The following RORA variants were observed in gnomAD, a reference collection of about 807,000 sequenced individuals.
RORA encodes the protein RAR related orphan receptor A.
A neutral mutation model predicts 69.5 loss-of-function variants in RORA; 7 were observed. That is an observed-to-expected ratio of 0.10 (90% CI 0.06 to 0.19). The LOEUF is 0.19. Among genes scored for constraint, RORA ranks in the 10% least tolerant of loss-of-function variants. The pLI is 1.00. For synonymous variants in RORA, 261 were observed against 240.8 expected, an observed-to-expected ratio of 1.08 and a Z score of -0.78; for missense variants, 457 against 663.0, an observed-to-expected ratio of 0.69 and a Z score of 3.41.
chr15:60,547,866 C>T (rs2067121878), intron 2 of RORA: 1 of 152,122 alleles, frequency 6.6e-6, no homozygotes, highest in Non-Finnish European at 1.5e-5. Flanking sequence ...CAGTTGACTG[C>T]TTTGAAGGGG....
intron 1 of RORA, among the ~76,000 whole-genome samples, chr15:60,972,995 A>AG (rs771819616): frequency 1.0e-5 from 1 of 97,884 alleles, no homozygotes; most frequent in East Asian, 2.5e-4. Context: ...AGCATTTGGG[A>AG]GAAAAAAAAA....
chr15:60,869,784 G>A (rs149774543), intron 1 of RORA, among the ~76,000 whole-genome samples: 3 of 152,188 alleles, frequency 2.0e-5, no homozygotes, highest in Middle Eastern at 3.2e-3. Context: ...CATAAGCGAT[G>A]CTAGCCCTAA....
At chr15:61,096,668 C>T (rs889850356) in intron 1 of RORA, among the ~76,000 whole-genome samples, 2 of 152,102 alleles carry the variant, frequency 1.3e-5, no homozygotes, top group Admixed American at 6.5e-5. Flanking sequence ...CACAGCTGCC[C>T]GTGGAGCTCA....
At chr15:60,519,748 C>T (rs1009031126) in intron 3 of RORA, among the ~76,000 whole-genome samples, 1 of 152,126 alleles carries the variant, frequency 6.6e-6, no homozygotes, top group Non-Finnish European at 1.5e-5. Context: ...TCTCATGAGT[C>T]CATCATTTTT....
intron 1 of RORA, among the ~76,000 whole-genome samples, chr15:60,865,975 T>A (rs1445926588): frequency 6.6e-6 from 1 of 151,374 alleles, no homozygotes; most frequent in South Asian, 2.1e-4. Context: ...TTACATGTGA[T>A]ATTTTGATAC....
At chr15:60,650,610 C>T (rs1228472736) in intron 2 of RORA, 2 of 152,140 alleles carry the variant, frequency 1.3e-5, no homozygotes, top group African/African-American at 4.8e-5. Context: ...TATAGGGAGA[C>T]TGTCTCTTCC....
chr15:60,688,640 G>C (rs1048240740), intron 1 of RORA, among the ~76,000 whole-genome samples: 2 of 152,152 alleles, frequency 1.3e-5, no homozygotes, highest in African/African-American at 4.8e-5. Flanking sequence ...GCTACTTTCA[G>C]GAGTGCCCTA....
intron 1 of RORA, among the ~76,000 whole-genome samples, chr15:60,695,599 A>C (rs2070891639): frequency 6.6e-6 from 1 of 152,134 alleles, no homozygotes; most frequent in Non-Finnish European, 1.5e-5. Flanking sequence ...TCAGTTTCCA[A>C]GGTAACAGAA....
At chr15:61,093,321 A>C (rs1451333230) in intron 1 of RORA, among the ~76,000 whole-genome samples, 1 of 152,214 alleles carries the variant, frequency 6.6e-6, no homozygotes, top group African/African-American at 2.4e-5. Context: ...CTAGACCCAA[A>C]GTTTCCCTAA....
chr15:61,187,610 G>T (rs914331267), intron 1 of RORA, among the ~76,000 whole-genome samples: 1 of 152,190 alleles, frequency 6.6e-6, no homozygotes, highest in Admixed American at 6.5e-5. Context: ...ACTTTGCTGA[G>T]AATTAGTCTT....
At chr15:60,910,866 G>T (rs552325566) in intron 1 of RORA, among the ~76,000 whole-genome samples, 5 of 141,952 alleles carry the variant, frequency 3.5e-5, no homozygotes. Flanking sequence ...TCTTTATGAG[G>T]CTCTGGCTGT....
chr15:61,161,754 T>C (rs1001397993), intron 1 of RORA, among the ~76,000 whole-genome samples: 15 of 152,164 alleles, frequency 9.9e-5, no homozygotes, highest in African/African-American at 3.6e-4. Context: ...TTTCTTCTCA[T>C]AGCCAATATG....
At chr15:60,973,410 C>A (rs1285261086) in intron 1 of RORA, among the ~76,000 whole-genome samples, 2 of 152,206 alleles carry the variant, frequency 1.3e-5, no homozygotes, top group Non-Finnish European at 2.9e-5. Flanking sequence ...TACCCAATTT[C>A]TCTGCCACCC....
At chr15:60,961,035 T>C (rs1005889349) in intron 1 of RORA, among the ~76,000 whole-genome samples, 2 of 152,216 alleles carry the variant, frequency 1.3e-5, no homozygotes, top group African/African-American at 2.4e-5. Context: ...TCAGTTTATA[T>C]AGGCTTTATT....
chr15:60,582,836 G>A (rs2068231809), intron 2 of RORA, among the ~76,000 whole-genome samples: 1 of 152,190 alleles, frequency 6.6e-6, no homozygotes, highest in Non-Finnish European at 1.5e-5. Context: ...ACCATCAGTT[G>A]GGAAAATTTT....
chr15:61,225,249 G>T (rs1262233207), intron 1 of RORA, among the ~76,000 whole-genome samples: 1 of 152,012 alleles, frequency 6.6e-6, no homozygotes, highest in African/African-American at 2.4e-5. Context: ...TCTGGCAAAG[G>T]CTTTTCTCCC....
chr15:60,727,785 G>A (rs571825923), intron 1 of RORA, among the ~76,000 whole-genome samples: 1 of 152,280 alleles, frequency 6.6e-6, no homozygotes, highest in Admixed American at 6.5e-5. Context: ...CAGATCCCAT[G>A]AGATCCCTGG....
chr15:60,931,112 A>G (rs1892361463), intron 1 of RORA, among the ~76,000 whole-genome samples: 2 of 152,052 alleles, frequency 1.3e-5, no homozygotes, highest in Admixed American at 1.3e-4. Context: ...CTGGGGAAGA[A>G]CTCCCTGTCT....
intron 1 of RORA, among the ~76,000 whole-genome samples, chr15:61,058,159 G>A (rs897106942): frequency 1.2e-4 from 18 of 152,138 alleles, no homozygotes; most frequent in African/African-American, 4.3e-4. Flanking sequence ...AGCAAAGGAG[G>A]AGATAAGAAC....
Sources: gnomAD v4.1 joint callset for allele counts (sites outside exome capture counted in the v4.1 genomes callset) on GRCh38, gnomAD v4.1.1 for gene constraint, MANE v1.5 for transcripts, NCBI Gene and HGNC (gene_info 2026-07-23, HGNC 2026-07-21) for gene names.